Variants in TATDN3 observed in about 807,000 individuals in gnomAD.
TATDN3 encodes the protein deoxyribonuclease TATDN3.
In TATDN3, 29 loss-of-function variants were observed where a neutral mutation model predicts 40.1. The ratio of observed to expected loss-of-function variants is 0.72; its 90% CI spans 0.54 to 0.99. The LOEUF is 0.99. TATDN3 is among the 50% of genes least tolerant of loss of function. The pLI is 0.00. For synonymous variants in TATDN3, 105 were observed against 117.0 expected, an observed-to-expected ratio of 0.90 and a Z score of 0.66; for missense variants, 309 against 321.9, an observed-to-expected ratio of 0.96 and a Z score of 0.31.
intron 7 of TATDN3, among the ~76,000 whole-genome samples, chr1:212,806,364 C>T (rs1176107976): frequency 2.0e-5 from 2 of 101,460 alleles, no homozygotes; most frequent in Non-Finnish European, 4.6e-5. Flanking sequence ...ATATTTCTCT[C>T]TCTCTTTTTT....
At position 212,815,182 on chromosome 1, in the gene TATDN3, G is replaced by A. The variant is rs1168200262; in HGVS notation, c.*26G>A. 3.1e-6 allele frequency: 5 copies of A among 1,594,756 alleles called. No individual in the cohort carries two copies. Among genetic ancestry groups the A allele is most frequent in the Non-Finnish European group, 4.3e-6 (5 of 1,173,328 alleles). ...CTTCAAAACCATCCATTACAAAATC[G>A]AATCAACTGCAGGGGGCAGCATTTG... On this transcript the variant is annotated 3_prime_UTR_variant, in exon 10 of 10. Coordinates refer to ENST00000366974, the MANE Select transcript of TATDN3 (RefSeq NM_001042552.3).
chr1:212,795,186 A>C, intron 2 of TATDN3, 59 bp downstream of exon 2: 1 of 1,327,804 alleles, frequency 7.5e-7, no homozygotes, highest in Non-Finnish European at 1.1e-6. Flanking sequence ...ATTTCAAGCC[A>C]AAACAGCTTG....
chr1:212,796,495 T>G, intron 2 of TATDN3, 22 bp from the exon 3 acceptor site: 1 of 1,488,010 alleles, frequency 6.7e-7, no homozygotes, highest in Non-Finnish European at 8.9e-7. Flanking sequence ...GTTTGTAACT[T>G]TATTCTTTTT....
intron 3 of TATDN3, chr1:212,796,906 T>C (rs1343317831): frequency 3.9e-6 from 2 of 510,594 alleles, no homozygotes; most frequent in Middle Eastern, 5.1e-4. Flanking sequence ...TGGCTAATTT[T>C]TATATTTTTT....
chr1:212,809,640 G>T (rs961016344), intron 8 of TATDN3, among the ~76,000 whole-genome samples: 7 of 151,356 alleles, frequency 4.6e-5, no homozygotes, highest in Non-Finnish European at 1.0e-4. Flanking sequence ...AGCCGAGATC[G>T]CGCCACTGCA....
At position 212,805,897 on chromosome 1, in the gene TATDN3, G is replaced by T. The variant is rs1662435073; in HGVS notation, c.487+1246G>T. 2.7e-5 allele frequency among the ~76,000 whole-genome samples: 4 copies of T among 149,902 alleles called. No individual in the cohort carries two copies. In the Admixed American group the frequency reaches 2.7e-4, roughly 10 times the overall value. On this transcript the variant is annotated intron_variant, in intron 7 of 9. Transcript: ENST00000366974. ...AGTTTAACAAGCAATCCACATATGT[G>T]TGTGTACGTATAGGTATGTAAGTGT... is the stretch of plus-strand genomic sequence containing the variant.
intron 9 of TATDN3, among the ~76,000 whole-genome samples, chr1:212,813,981 T>C (rs1663053545): frequency 6.6e-6 from 1 of 152,048 alleles, no homozygotes; most frequent in Non-Finnish European, 1.5e-5. Flanking sequence ...TATATATTTT[T>C]TTTGTTAATT....
intron 4 of TATDN3, among the ~76,000 whole-genome samples, chr1:212,800,983 T>C (rs1468544341): frequency 1.3e-5 from 2 of 151,778 alleles, no homozygotes; most frequent in South Asian, 2.1e-4. Flanking sequence ...GGTGGGAAGA[T>C]TGCTTGAGGC....
intron 4 of TATDN3, among the ~76,000 whole-genome samples, chr1:212,801,183 C>T (rs925350601): frequency 2.0e-5 from 3 of 151,272 alleles, no homozygotes; most frequent in African/African-American, 7.3e-5. Flanking sequence ...CAAACTGAGA[C>T]CCTATCTTTA....
Position 212,815,355 on chromosome 1 carries a change from T to C in TATDN3, c.*199T>C, listed in dbSNP as rs955559644. 63 of 550,410 alleles carry C rather than the reference T, an allele frequency of 1.1e-4. No individual in the cohort carries two copies. The highest frequency in any genetic ancestry group is 1.3e-4 in the Non-Finnish European group (46 of 343,196). 34.1% of individuals were successfully genotyped at this position (550,410 alleles called of 1,614,324 possible). On this transcript the variant is annotated 3_prime_UTR_variant, in exon 10 of 10. Transcript: ENST00000366974. ...CTGGGTTCTGATTCTAGCCTTGTGC[T>C]GCTTTTCAATTAGCCGAGTTCTGGC...
chr1:212,814,899 T>A (rs79427681), intron 9 of TATDN3, 114 bp from the exon 10 acceptor site: 37,213 of 1,237,472 alleles, frequency 0.03, 667 homozygotes, highest in South Asian at 0.042. Flanking sequence ...AGAAAAAAAT[T>A]AAAAAGGAGC....
Position 212,792,005 on chromosome 1 carries a change from G to A in TATDN3, c.66+18G>A. 4 of 1,613,112 alleles carry A rather than the reference G, an allele frequency of 2.5e-6. No homozygotes were observed. Among genetic ancestry groups the A allele is most frequent in the Non-Finnish European group, 3.4e-6 (4 of 1,179,294 alleles). ...TTGACCGCGTATGTGAGGGCGATAC[G>A]GGACCAGAGGGAGCAGGGAGGCCCC... On this transcript the variant is annotated intron_variant, in intron 1 of 9. Transcript: ENST00000366974.
At chr1:212,807,217 T>G (rs1662595498) in intron 7 of TATDN3, among the ~76,000 whole-genome samples, 1 of 151,930 alleles carries the variant, frequency 6.6e-6, no homozygotes, top group Non-Finnish European at 1.5e-5. Context: ...AGTGCTGGGA[T>G]TACAGACGTG....
rs1663114322 is a variant in TATDN3 at position 212,815,112 on chromosome 1, G to T, written c.781G>T (p.Ala261Ser). Reference protein sequence around the residue: ...EEVIEVTTQNALKLFPKLRHL... With the variant: ...EEVIEVTTQNSLKLFPKLRHL... ...AGTTATAGAAGTGACGACACAGAATGCATTAAAACTGTTTCCTAAGCTCCG... is the reference window on the plus strand; with the variant it reads ...AGTTATAGAAGTGACGACACAGAATTCATTAAAACTGTTTCCTAAGCTCCG... Residue 261 changes from alanine (A) to serine (S), a missense_variant, in exon 10 of 10, where the codon GCA (alanine) becomes TCA (serine). Ala to Ser is a moderately conservative substitution (Grantham distance 99). Transcript: ENST00000366974. The T allele has an allele frequency of 6.2e-7, 1 of 1,613,750 alleles. No individual in the cohort carries two copies. The highest frequency in any genetic ancestry group is 8.5e-7 in the Non-Finnish European group (1 of 1,179,926).
At chr1:212,805,725 C>G (rs113362754) in intron 7 of TATDN3, among the ~76,000 whole-genome samples, 4 of 152,298 alleles carry the variant, frequency 2.6e-5, no homozygotes, top group African/African-American at 4.8e-5. Flanking sequence ...TTTTGGCCAT[C>G]ATACATACAC....
rs1277419659 is a variant in TATDN3 at position 212,816,237 on chromosome 1, A to G, written c.*1081A>G. On this transcript the variant is annotated 3_prime_UTR_variant, in exon 10 of 10. Coordinates refer to ENST00000366974, the MANE Select transcript of TATDN3 (RefSeq NM_001042552.3). Reference sequence around the variant, plus strand: ...CATTCACCTGTAGTGCCAACCACTCAGGAGGCTGAGATGGGAGACCTTTTA... The same window carrying G: ...CATTCACCTGTAGTGCCAACCACTCGGGAGGCTGAGATGGGAGACCTTTTA... The G allele has an allele frequency of 6.6e-6, 1 of 152,222 alleles. No homozygotes were observed. The highest frequency in any genetic ancestry group is 1.5e-5 in the Non-Finnish European group (1 of 68,050). 9.4% of individuals were successfully genotyped at this position (152,222 alleles called of 1,614,324 possible).
At chr1:212,812,998 A>G (rs1407117336) in intron 9 of TATDN3, among the ~76,000 whole-genome samples, 1 of 151,734 alleles carries the variant, frequency 6.6e-6, no homozygotes, top group Non-Finnish European at 1.5e-5. Flanking sequence ...CAAGAGCAAA[A>G]CTCCATCTCA....
At chr1:212,809,894 C>T (rs1662761389) in intron 8 of TATDN3, among the ~76,000 whole-genome samples, 1 of 151,002 alleles carries the variant, frequency 6.6e-6, no homozygotes, top group Non-Finnish European at 1.5e-5. Flanking sequence ...TGTGGTGGCG[C>T]ATGCCTATAA....
At position 212,800,914 on chromosome 1, in the gene TATDN3, C is replaced by T. The variant is rs541738432; in HGVS notation, c.259-1787C>T. Among the ~76,000 whole-genome samples the T allele has an allele frequency of 3.5e-3, 514 of 147,108 alleles. 7 individuals are homozygous for T. Among genetic ancestry groups the T allele is most frequent in the African/African-American group, 0.012 (491 of 40,104 alleles). On this transcript the variant is annotated intron_variant, in intron 4 of 9. Coordinates refer to ENST00000366974, the MANE Select transcript of TATDN3 (RefSeq NM_001042552.3). ...TCTTTTTTTTTTTTTTTTACAAAAACCGTAATAGGGTGGGGTGCCATGGCT... is the reference window on the plus strand; with the variant it reads ...TCTTTTTTTTTTTTTTTTACAAAAATCGTAATAGGGTGGGGTGCCATGGCT...
Sources: allele counts gnomAD v4.1 joint callset (sites outside exome capture counted in the v4.1 genomes callset), GRCh38; gene constraint gnomAD v4.1.1; transcripts MANE v1.5; gene names NCBI Gene and HGNC (gene_info 2026-07-23, HGNC 2026-07-21).